PRKCA: variants seen among roughly 807,000 people sequenced by gnomAD.
PRKCA encodes protein kinase C alpha.
A neutral mutation model predicts 87.0 loss-of-function variants in PRKCA; 27 were observed. The ratio of observed to expected loss-of-function variants is 0.31; its 90% CI spans 0.23 to 0.43. The LOEUF (loss-of-function observed/expected upper bound fraction) is 0.43. Ranked by LOEUF, PRKCA falls within the 20% of genes least tolerant of loss-of-function variation. The probability of loss-of-function intolerance (pLI) is 1.00; values close to 1 mark genes in which losing one functional copy is unlikely to be tolerated. For synonymous variants in PRKCA, 329 were observed against 311.1 expected, an observed-to-expected ratio of 1.06 and a Z score of -0.61; for missense variants, 518 against 852.3, an observed-to-expected ratio of 0.61 and a Z score of 4.88.
intron 14 of PRKCA, among the ~76,000 whole-genome samples, chr17:66,783,346 G>A (rs766973397): frequency 2.6e-5 from 4 of 152,224 alleles, no homozygotes; most frequent in Non-Finnish European, 5.9e-5. Context: ...TTGCCAGAGA[G>A]GGGTAGAGGA....
intron 13 of PRKCA, among the ~76,000 whole-genome samples, chr17:66,751,950 C>T (rs1455313450): frequency 6.6e-6 from 1 of 152,196 alleles, no homozygotes; most frequent in Non-Finnish European, 1.5e-5. Flanking sequence ...GCGGATGATG[C>T]TAAACCATTC....
intron 8 of PRKCA, among the ~76,000 whole-genome samples, chr17:66,712,191 C>T (rs982959584): frequency 1.3e-5 from 2 of 152,148 alleles, no homozygotes; most frequent in African/African-American, 4.8e-5. Flanking sequence ...ACCTCTTGAT[C>T]ACTCCAGGAG....
intron 2 of PRKCA, among the ~76,000 whole-genome samples, chr17:66,377,719 A>ATTTTT (rs1202755202): frequency 7.3e-4 from 27 of 37,150 alleles, no homozygotes; most frequent in East Asian, 7.2e-3. Context: ...ATATATATAT[A>ATTTTT]TATTTTTTTT....
chr17:66,549,135 A>G (rs1001640000), intron 3 of PRKCA, among the ~76,000 whole-genome samples: 1 of 141,270 alleles, frequency 7.1e-6, no homozygotes. Context: ...TACCAAGTTT[A>G]TGGCAGTTTT....
At chr17:66,801,949 G>A (rs190703570) in intron 16 of PRKCA, among the ~76,000 whole-genome samples, 25 of 152,304 alleles carry the variant, frequency 1.6e-4, no homozygotes, top group Non-Finnish European at 2.8e-4. Context: ...GGCTGGACGC[G>A]GTGGCTCACA....
At chr17:66,380,806 A>G (rs1909735237) in intron 2 of PRKCA, among the ~76,000 whole-genome samples, 1 of 152,212 alleles carries the variant, frequency 6.6e-6, no homozygotes, top group Non-Finnish European at 1.5e-5. Context: ...CGATAGTTTA[A>G]CCAATGAAAT....
chr17:66,393,758 G>A (rs2143649383), intron 2 of PRKCA, among the ~76,000 whole-genome samples: 1 of 152,196 alleles, frequency 6.6e-6, no homozygotes, highest in East Asian at 1.9e-4. Flanking sequence ...CCCTCCCTGA[G>A]GGTGAGGGTT....
Position 66,774,064 on chromosome 17 carries a change from G to A in PRKCA, c.1602G>A (p.Gly534=). ...YGVLLYEMLA[G]QPPFDGEDED... ...TCCTGTTGTATGAAATGCTTGCCGG[G>A]CAGGTAATGTTTTGCTACATTTTCA... is the stretch of plus-strand genomic sequence containing the variant. The change falls in exon 14 of 17, where the codon GGG becomes GGA. Residue 534 remains glycine (G), a synonymous_variant. Coordinates refer to ENST00000413366, the MANE Select transcript of PRKCA (RefSeq NM_002737.3). 6.2e-6 allele frequency: 10 copies of A among 1,614,032 alleles called. No individual in the cohort carries two copies. The highest frequency in any genetic ancestry group is 8.5e-6 in the Non-Finnish European group (10 of 1,180,016).
At chr17:66,325,327 C>T (rs1484435810) in intron 2 of PRKCA, among the ~76,000 whole-genome samples, 3 of 152,052 alleles carry the variant, frequency 2.0e-5, no homozygotes, top group East Asian at 1.9e-4. Flanking sequence ...GGGCCCAAGC[C>T]GATGTTTATT....
chr17:66,343,070 T>C (rs186339323), intron 2 of PRKCA, among the ~76,000 whole-genome samples: 2 of 152,246 alleles, frequency 1.3e-5, no homozygotes, highest in East Asian at 1.9e-4. Flanking sequence ...ATGTTTAAAG[T>C]AGATAATTTT....
chr17:66,321,530 C>T (rs1473832417), intron 2 of PRKCA, among the ~76,000 whole-genome samples: 1 of 152,176 alleles, frequency 6.6e-6, no homozygotes, highest in Non-Finnish European at 1.5e-5. Flanking sequence ...CCTCCCTTTT[C>T]AAATAATTTA....
At chr17:66,641,283 C>T in intron 3 of PRKCA, 72 bp from the exon 4 acceptor site, 1 of 1,080,276 alleles carries the variant, frequency 9.3e-7, no homozygotes, top group Non-Finnish European at 1.4e-6. Context: ...GTGGTGGGGC[C>T]TGAGCTTGGC....
At chr17:66,400,577 A>G (rs74329211) in intron 2 of PRKCA, among the ~76,000 whole-genome samples, 6,202 of 152,308 alleles carry the variant, frequency 0.041, 202 homozygotes, top group Non-Finnish European at 0.064. Flanking sequence ...TAGTGTGGCT[A>G]TGAACACGGG....
chr17:66,431,605 C>T (rs1048526562), intron 2 of PRKCA, among the ~76,000 whole-genome samples: 23 of 152,198 alleles, frequency 1.5e-4, no homozygotes, highest in African/African-American at 5.5e-4. Context: ...AAGCTTCACT[C>T]TGGGTAGCTG....
chr17:66,430,431 G>C (rs568087956), intron 2 of PRKCA, among the ~76,000 whole-genome samples: 1 of 151,904 alleles, frequency 6.6e-6, no homozygotes, highest in African/African-American at 2.4e-5. Context: ...AGGCATGACA[G>C]AGGTCTCCCT....
chr17:66,490,391 T>G (rs933083725), intron 2 of PRKCA, among the ~76,000 whole-genome samples: 2 of 151,360 alleles, frequency 1.3e-5, no homozygotes, highest in African/African-American at 4.9e-5. Context: ...CTACCCATGC[T>G]GGAGTGCAAT....
At chr17:66,778,050 G>C in intron 14 of PRKCA, 1 of 985,402 alleles carries the variant, frequency 1.0e-6, no homozygotes, top group East Asian at 1.1e-4. Flanking sequence ...TGATTTACAG[G>C]CCTTATTTAA....
intron 2 of PRKCA, among the ~76,000 whole-genome samples, chr17:66,446,143 T>G (rs1041292398): frequency 1.3e-5 from 2 of 152,158 alleles, no homozygotes; most frequent in Non-Finnish European, 2.9e-5. Flanking sequence ...GAAGTTAAGG[T>G]GAGTTTTAGA....
At chr17:66,789,470 C>T (rs1975480196) in intron 16 of PRKCA, among the ~76,000 whole-genome samples, 1 of 152,270 alleles carries the variant, frequency 6.6e-6, no homozygotes, top group African/African-American at 2.4e-5. Context: ...ACCACTGCCT[C>T]CACTGCGGGG....
Sources: allele counts gnomAD v4.1 joint callset (sites outside exome capture counted in the v4.1 genomes callset), GRCh38; gene constraint gnomAD v4.1.1; transcripts MANE v1.5; gene names NCBI Gene and HGNC (gene_info 2026-07-23, HGNC 2026-07-21).